Variants in USO1 observed in about 807,000 individuals in gnomAD.
The protein encoded by USO1 is USO1 vesicle transport factor.
A neutral mutation model predicts 124.5 loss-of-function variants in USO1; 57 were observed. The ratio of observed to expected loss-of-function variants is 0.46; its 90% CI spans 0.37 to 0.57. USO1 has a LOEUF of 0.57. Among genes scored for constraint, USO1 ranks in the 20% least tolerant of loss-of-function variants. USO1 has a pLI of 0.00. For missense variants in USO1, 900 were observed against 1,040.6 expected, an observed-to-expected ratio of 0.86 and a Z score of 1.86; for synonymous variants, 369 against 362.8, an observed-to-expected ratio of 1.02 and a Z score of -0.19.
intron 1 of USO1, among the ~76,000 whole-genome samples, chr4:75,749,868 C>T (rs1307609448): frequency 9.2e-5 from 14 of 151,878 alleles, no homozygotes; most frequent in Admixed American, 7.9e-4. Context: ...TCTCCTGCCT[C>T]AGCCTCCTGA....
chr4:75,790,243 A>T lies in USO1; in HGVS notation c.1085+5A>T, dbSNP rs750453422. ...TGCACCTTCAAACCCACCAAGGTAG[A>T]AAAAGGGAAATACTGAGATTACTCT... On this transcript the variant is annotated splice_donor_5th_base_variant and intron_variant, in intron 11 of 23. Coordinates refer to ENST00000514213, the MANE Select transcript of USO1 (RefSeq NM_003715.4). 7 of 1,586,058 alleles carry T rather than the reference A, an allele frequency of 4.4e-6. No individual in the cohort carries two copies. In the East Asian group the frequency reaches 1.4e-4, roughly 31 times the overall value.
At chr4:75,730,186 A>G (rs542767032) in intron 1 of USO1, among the ~76,000 whole-genome samples, 2 of 152,284 alleles carry the variant, frequency 1.3e-5, no homozygotes, top group East Asian at 3.9e-4. Flanking sequence ...TGGAAGGTTA[A>G]TTTTGTAGAT....
intron 1 of USO1, among the ~76,000 whole-genome samples, chr4:75,725,570 C>T (rs1044358277): frequency 6.6e-6 from 1 of 150,840 alleles, no homozygotes; most frequent in African/African-American, 2.4e-5. Flanking sequence ...GGGACACGTC[C>T]ACCGCTTTCT....
At chr4:75,746,375 A>G (rs957146300) in intron 1 of USO1, among the ~76,000 whole-genome samples, 4 of 152,212 alleles carry the variant, frequency 2.6e-5, no homozygotes, top group African/African-American at 9.6e-5. Context: ...GACGTCTAGT[A>G]ACTGAAAGGA....
At chr4:75,800,554 A>G in intron 15 of USO1, 64 bp from the exon 16 acceptor site, 1 of 1,523,804 alleles carries the variant, frequency 6.6e-7, no homozygotes, top group Non-Finnish European at 8.8e-7. Context: ...TATGTAGACC[A>G]AGCTTTTATG....
rs533041107 is a variant in USO1, at chr4:75,796,341, C to CTTTTTTTTTTTTTTTTTTTTTTT, written c.1452+2452_1452+2453insTTTTTTTTTTTTTTTTTTTTTTT. ...TAATCCCAGAAAGTTCCATCATGCT[C>CTTTTTTTTTTTTTTTTTTTTTTT]TTTTTTTTTTTTGAGACGGAGTCTC... On this transcript the variant is annotated intron_variant, in intron 13 of 23. Coordinates refer to ENST00000514213, the MANE Select transcript of USO1 (RefSeq NM_003715.4). Among the ~76,000 whole-genome samples, 68 of 102,054 alleles carry CTTTTTTTTTTTTTTTTTTTTTTT rather than the reference C, an allele frequency of 6.7e-4. 14 individuals carry two copies. Among genetic ancestry groups the CTTTTTTTTTTTTTTTTTTTTTTT allele is most frequent in the Middle Eastern group, 7.9e-3 (1 of 126 alleles). The allele number at this position is 102,054 out of a possible 152,430, so 67.0% of individuals were successfully genotyped here.
At position 75,800,680 on chromosome 4, in the gene USO1, G is replaced by A; in HGVS notation, c.1745G>A (p.Gly582Glu). 1 of 1,598,860 alleles carries A rather than the reference G, an allele frequency of 6.3e-7. No individual in the cohort carries two copies. Among genetic ancestry groups the A allele is most frequent in the East Asian group, 2.2e-5 (1 of 44,728 alleles). Residue 582 changes from glycine to glutamate, a missense_variant, in exon 16 of 24, where the codon GGA (glycine) becomes GAA (glutamate). Physicochemically the swap from Gly to Glu is moderately conservative, Grantham distance 98. Transcript: ENST00000514213. ...AAAGAGAATTTCATAGAGAAACTAG[G>A]ATTTATTAGCAAACATGAGTTGTAT... ...IGKENFIEKL[G>E]FISKHELYSR...
chr4:75,750,330 C>G (rs1328857844), intron 1 of USO1, among the ~76,000 whole-genome samples: 2 of 151,696 alleles, frequency 1.3e-5, no homozygotes, highest in Non-Finnish European at 2.9e-5. Flanking sequence ...CCCAGCTACT[C>G]GAGAGGCTGA....
rs533041107 is a variant in USO1, at chr4:75,796,341, C to CTTTTTTTTTTTTTTTTTTTTTTTT, written c.1452+2452_1452+2453insTTTTTTTTTTTTTTTTTTTTTTTT. Among the ~76,000 whole-genome samples the CTTTTTTTTTTTTTTTTTTTTTTTT allele has an allele frequency of 2.4e-4, 25 of 102,072 alleles. 6 individuals are homozygous for CTTTTTTTTTTTTTTTTTTTTTTTT. Among genetic ancestry groups the CTTTTTTTTTTTTTTTTTTTTTTTT allele is most frequent in the Admixed American group, 3.7e-4 (3 of 8,054 alleles). The allele number at this position is 102,072 out of a possible 152,430, so 67.0% of individuals were successfully genotyped here. On this transcript the variant is annotated intron_variant, in intron 13 of 23. Transcript: ENST00000514213. Reference sequence around the variant, plus strand: ...TAATCCCAGAAAGTTCCATCATGCTCTTTTTTTTTTTTGAGACGGAGTCTC... The same window carrying CTTTTTTTTTTTTTTTTTTTTTTTT: ...TAATCCCAGAAAGTTCCATCATGCTCTTTTTTTTTTTTTTTTTTTTTTTTTTTTTTTTTTTTGAGACGGAGTCTC...
At chr4:75,804,413 G>A (rs973065160) in intron 18 of USO1, 141 bp downstream of exon 18, 13 of 1,309,906 alleles carry the variant, frequency 9.9e-6, no homozygotes, top group Non-Finnish European at 1.3e-5. Context: ...GGAGTTTAAA[G>A]CAAAATAGCA....
intron 23 of USO1, among the ~76,000 whole-genome samples, chr4:75,812,859 C>T (rs543624033): frequency 7.9e-5 from 12 of 152,226 alleles, no homozygotes; most frequent in Admixed American, 7.9e-4. Context: ...ACCTGTAATC[C>T]TAGCACTTTG....
chr4:75,789,164 C>G (rs1393046228), intron 10 of USO1, among the ~76,000 whole-genome samples: 6 of 152,086 alleles, frequency 3.9e-5, no homozygotes, highest in Non-Finnish European at 8.8e-5. Flanking sequence ...TCCCCACTCC[C>G]TTGCTCCCCA....
In USO1 at chr4:75,770,937, T is replaced by A; in HGVS notation, c.499+13T>A. On this transcript the variant is annotated intron_variant, in intron 6 of 23. Transcript: ENST00000514213. ...GTCAGTCCTATGGGTAAGTGACTTATCTTTTTTATATTATTTTGATTCAAG... is the reference window on the plus strand; with the variant it reads ...GTCAGTCCTATGGGTAAGTGACTTAACTTTTTTATATTATTTTGATTCAAG... The A allele has an allele frequency of 6.2e-7, 1 of 1,602,518 alleles. No individual in the cohort carries two copies. Among genetic ancestry groups the A allele is most frequent in the Admixed American group, 1.8e-5 (1 of 56,416 alleles).
intron 4 of USO1, among the ~76,000 whole-genome samples, chr4:75,761,101 T>C (rs952690192): frequency 3.9e-5 from 6 of 152,060 alleles, no homozygotes; most frequent in African/African-American, 1.2e-4. Flanking sequence ...GAGCTAAGAT[T>C]GTGCCACTGC....
intron 1 of USO1, chr4:75,745,453 T>C: frequency 2.2e-6 from 1 of 461,828 alleles, no homozygotes; most frequent in Non-Finnish European, 4.3e-6. Flanking sequence ...ACAGATACTC[T>C]GACTCATATT....
intron 13 of USO1, among the ~76,000 whole-genome samples, chr4:75,795,542 T>C (rs528889958): frequency 6.6e-6 from 1 of 152,320 alleles, no homozygotes; most frequent in East Asian, 1.9e-4. Flanking sequence ...TGGGATATTG[T>C]ATTGGTGTTA....
At chr4:75,731,142 A>G (rs1254653789) in intron 1 of USO1, among the ~76,000 whole-genome samples, 1 of 152,154 alleles carries the variant, frequency 6.6e-6, no homozygotes, top group African/African-American at 2.4e-5. Flanking sequence ...CTACAAAGAG[A>G]CTTGTGTTTG....
At chr4:75,758,602 G>T (rs1245786241) in intron 4 of USO1, among the ~76,000 whole-genome samples, 1 of 151,900 alleles carries the variant, frequency 6.6e-6, no homozygotes, top group Non-Finnish European at 1.5e-5. Flanking sequence ...TTTTATTTTG[G>T]CTGGGTGTTA....
chr4:75,760,282 ACTTTG>A (rs1187119856), intron 4 of USO1, among the ~76,000 whole-genome samples: 2 of 152,240 alleles, frequency 1.3e-5, no homozygotes, highest in Non-Finnish European at 2.9e-5. Flanking sequence ...TGTTATTGAT[ACTTTG>A]CTTTTATTGC....
Sources: allele counts gnomAD v4.1 joint callset (sites outside exome capture counted in the v4.1 genomes callset), GRCh38; gene constraint gnomAD v4.1.1; transcripts MANE v1.5; gene names NCBI Gene and HGNC (gene_info 2026-07-23, HGNC 2026-07-21).